Variants in GRIK2 observed in about 807,000 individuals in gnomAD.
The protein encoded by GRIK2 is glutamate ionotropic receptor kainate type subunit 2.
In GRIK2, 32 loss-of-function variants were observed where a neutral mutation model predicts 100.3. That is an observed-to-expected ratio of 0.32 (90% CI 0.24 to 0.43). The LOEUF (loss-of-function observed/expected upper bound fraction) is 0.43. Ranked by LOEUF, GRIK2 falls within the 20% of genes least tolerant of loss-of-function variation. The probability of loss-of-function intolerance (pLI) is 1.00; values close to 1 mark genes in which losing one functional copy is unlikely to be tolerated. For missense variants in GRIK2, 843 were observed against 1,114.9 expected, an observed-to-expected ratio of 0.76 and a Z score of 3.47; for synonymous variants, 417 against 389.4, an observed-to-expected ratio of 1.07 and a Z score of -0.83.
At chr6:101,910,883 A>C (rs1450435412) in intron 12 of GRIK2, among the ~76,000 whole-genome samples, 1 of 147,670 alleles carries the variant, frequency 6.8e-6, no homozygotes, top group African/African-American at 2.5e-5. Flanking sequence ...GCATTGGCTA[A>C]TAATTTTTCA....
chr6:101,492,846 C>A (rs1253644589), intron 2 of GRIK2, among the ~76,000 whole-genome samples: 1 of 151,472 alleles, frequency 6.6e-6, no homozygotes, highest in Non-Finnish European at 1.5e-5. Context: ...GTGACTATTA[C>A]AATTATATTT....
In GRIK2 at chr6:101,799,769, G is replaced by T. The variant is rs560817419; in HGVS notation, c.1073G>T (p.Arg358Leu). The T allele has an allele frequency of 5.6e-6, 9 of 1,613,034 alleles. No homozygotes were observed. The highest frequency in any genetic ancestry group is 7.6e-6 in the Non-Finnish European group (9 of 1,179,326). The stretch of plus-strand genomic sequence containing the variant: ...CATAAACCCTGGCGCTTCGGGACCC[G>T]CTTTATGAGTCTAATTAAAGAGGTA... ...NRHKPWRFGT[R>L]FMSLIKEAHW... Residue 358 changes from arginine to leucine, a missense_variant, in exon 8 of 17, where the codon CGC (arginine) becomes CTC (leucine). Transcript: ENST00000369134.
At chr6:101,746,807 A>G (rs1185479369) in intron 7 of GRIK2, among the ~76,000 whole-genome samples, 1 of 151,602 alleles carries the variant, frequency 6.6e-6, no homozygotes, top group Non-Finnish European at 1.5e-5. Context: ...ACACATATAT[A>G]CTCCCAAACA....
intron 2 of GRIK2, among the ~76,000 whole-genome samples, chr6:101,474,313 T>C (rs1275723357): frequency 6.6e-6 from 1 of 151,908 alleles, no homozygotes; most frequent in Non-Finnish European, 1.5e-5. Context: ...CATATTCATT[T>C]GGAACTGAAG....
At chr6:101,394,536 T>C (rs953247834) in intron 1 of GRIK2, among the ~76,000 whole-genome samples, 1 of 152,234 alleles carries the variant, frequency 6.6e-6, no homozygotes, top group Non-Finnish European at 1.5e-5. Flanking sequence ...AACTTACTAT[T>C]AGTAGCCTTT....
At chr6:101,536,492 A>C (rs1002246056) in intron 2 of GRIK2, among the ~76,000 whole-genome samples, 2 of 151,646 alleles carry the variant, frequency 1.3e-5, no homozygotes, top group South Asian at 4.1e-4. Context: ...CTTAGAAAAG[A>C]CATTAACAAG....
chr6:101,796,283 A>G (rs544438079), intron 7 of GRIK2, among the ~76,000 whole-genome samples: 6 of 152,334 alleles, frequency 3.9e-5, no homozygotes, highest in African/African-American at 1.4e-4. Context: ...AGTGCCTCAC[A>G]CACAGATATT....
intron 15 of GRIK2, among the ~76,000 whole-genome samples, chr6:102,045,020 T>C (rs1191927224): frequency 1.3e-5 from 2 of 152,092 alleles, no homozygotes; most frequent in Non-Finnish European, 2.9e-5. Context: ...ATTAAGATGA[T>C]AATATGAGTG....
intron 2 of GRIK2, among the ~76,000 whole-genome samples, chr6:101,441,174 G>T (rs1208820471): frequency 6.6e-6 from 1 of 151,860 alleles, no homozygotes; most frequent in Non-Finnish European, 1.5e-5. Flanking sequence ...TTCTCTTCCA[G>T]CTCAGCTCTT....
chr6:102,065,752 C>G (rs1771986361), intron 16 of GRIK2: 2 of 1,302,376 alleles, frequency 1.5e-6, no homozygotes, highest in East Asian at 2.8e-5. Context: ...AAGTTTTGAC[C>G]ATGTTATGTC....
At position 101,403,331 on chromosome 6, in the gene GRIK2, T is replaced by C. The variant is rs554934048; in HGVS notation, c.115+3939T>C. 8.0e-4 allele frequency among the ~76,000 whole-genome samples: 122 copies of C among 152,324 alleles called. 1 individual carries two copies. Among genetic ancestry groups the C allele is most frequent in the Admixed American group, 2.5e-3 (39 of 15,308 alleles). The stretch of plus-strand genomic sequence containing the variant: ...TGTCTTCCCTTCTGATGTTTCGACC[T>C]AACTTTTCTCTTAAAGACAAGCCAG... On this transcript the variant is annotated intron_variant, in intron 2 of 16. Transcript: ENST00000369134.
At chr6:101,602,428 A>G (rs1302285202) in intron 2 of GRIK2, among the ~76,000 whole-genome samples, 1 of 151,314 alleles carries the variant, frequency 6.6e-6, no homozygotes, top group Non-Finnish European at 1.5e-5. Context: ...TGAGCAGAAA[A>G]ACAATTCTTC....
At chr6:102,024,276 A>G (rs1769578189) in intron 14 of GRIK2, among the ~76,000 whole-genome samples, 1 of 151,118 alleles carries the variant, frequency 6.6e-6, no homozygotes, top group Non-Finnish European at 1.5e-5. Flanking sequence ...ACTGACTTTC[A>G]GGAAATAAAT....
At chr6:101,645,674 G>T (rs545351183) in intron 4 of GRIK2, among the ~76,000 whole-genome samples, 123 of 151,926 alleles carry the variant, frequency 8.1e-4, no homozygotes, top group Non-Finnish European at 1.4e-3. Context: ...AAATGAACTT[G>T]TTCAATTAGT....
intron 2 of GRIK2, among the ~76,000 whole-genome samples, chr6:101,563,516 A>G (rs1340911933): frequency 1.3e-5 from 2 of 152,204 alleles, no homozygotes; most frequent in Non-Finnish European, 2.9e-5. Flanking sequence ...AGGTACTTAC[A>G]TAATTAGAAA....
At chr6:101,850,572 A>G (rs889544112) in intron 10 of GRIK2, among the ~76,000 whole-genome samples, 1 of 152,016 alleles carries the variant, frequency 6.6e-6, no homozygotes, top group African/African-American at 2.4e-5. Flanking sequence ...AAGTTTTATT[A>G]TATTTAAATA....
At chr6:102,059,512 T>C (rs529702970) in intron 16 of GRIK2, among the ~76,000 whole-genome samples, 113 of 151,274 alleles carry the variant, frequency 7.5e-4, no homozygotes, top group African/African-American at 8.0e-4. Context: ...TTTGGGTGTA[T>C]GGATTTGGTT....
At chr6:101,736,819 G>A (rs748551715) in intron 7 of GRIK2, among the ~76,000 whole-genome samples, 1 of 152,060 alleles carries the variant, frequency 6.6e-6, no homozygotes, top group Non-Finnish European at 1.5e-5. Flanking sequence ...TTTATGCTCA[G>A]AATATGGAAT....
chr6:101,704,499 C>CT (rs1406373802), intron 7 of GRIK2, among the ~76,000 whole-genome samples: 1 of 151,660 alleles, frequency 6.6e-6, no homozygotes, highest in African/African-American at 2.4e-5. Context: ...AATTGCTGAA[C>CT]TAATTTATAC....
Sources: allele counts gnomAD v4.1 joint callset (sites outside exome capture counted in the v4.1 genomes callset), GRCh38; gene constraint gnomAD v4.1.1; transcripts MANE v1.5; gene names NCBI Gene and HGNC (gene_info 2026-07-23, HGNC 2026-07-21).